The following HMX1 variants were observed in gnomAD, a reference collection of about 807,000 sequenced individuals.
HMX1 encodes the protein H6 family homeobox 1, also known as homeobox protein HMX1.
In HMX1, 8 loss-of-function variants were observed where a neutral mutation model predicts 8.9. The observed-to-expected ratio is 0.90, with a 90% CI of 0.53 to 1.63. The LOEUF is 1.63. Among genes scored for constraint, HMX1 ranks in the 40% most tolerant of loss-of-function variants. HMX1 has a pLI of 0.00. For missense variants in HMX1, 621 were observed against 558.5 expected, an observed-to-expected ratio of 1.11 and a Z score of -1.13; for synonymous variants, 311 against 283.4, an observed-to-expected ratio of 1.10 and a Z score of -0.98.
downstream of HMX1, among the ~76,000 whole-genome samples, chr4:8,866,490 G>A (rs1249290750): frequency 1.3e-5 from 2 of 152,246 alleles, no homozygotes; most frequent in Non-Finnish European, 2.9e-5. Flanking sequence ...CAGTGGCCCA[G>A]AATAGGGGAA....
rs1281506486 is a variant in HMX1 at position 8,853,126 on chromosome 4, G to A, written c.395-6802C>T. Among the ~76,000 whole-genome samples the A allele has an allele frequency of 1.3e-5, 2 of 152,166 alleles. No individual in the cohort carries two copies. Among genetic ancestry groups the A allele is most frequent in the Non-Finnish European group, 2.9e-5 (2 of 68,034 alleles). On this transcript the variant is annotated intron_variant, in intron 1 of 1. Coordinates refer to the HMX1 transcript ENST00000506970. This position sits in a 1 kb window ranked among gnomAD's most constrained non-coding sequence, Gnocchi z 4.7. ...CTGGCCCAGTTTACAAGAGCCTCCT[G>A]TATTAGGGTATTGACTCTATTTCTT...
At chr4:8,851,024 C>A (rs1183306712) in intron 1 of HMX1, among the ~76,000 whole-genome samples, 1 of 152,262 alleles carries the variant, frequency 6.6e-6, no homozygotes, top group Non-Finnish European at 1.5e-5. Context: ...GGGGCCCTGG[C>A]AGACACTCTC....
At chr4:8,850,768 G>A (rs1721421100) in intron 1 of HMX1, among the ~76,000 whole-genome samples, 1 of 152,162 alleles carries the variant, frequency 6.6e-6, no homozygotes, top group African/African-American at 2.4e-5. Flanking sequence ...CACTCACCCA[G>A]CCCTGCGACT....
chr4:8,860,968 A>AGGGCGGGGGAGG (rs1159196795), intron 1 of HMX1: 2 of 15,976 alleles, frequency 1.3e-4, no homozygotes, highest in African/African-American at 3.1e-4. Flanking sequence ...GGCGGGGGCG[A>AGGGCGGGGGAGG]GGGCGGGGGA....
Position 8,868,907 on chromosome 4 carries a change from G to A in HMX1, c.395-562C>T, listed in dbSNP as rs946973127. On this transcript the variant is annotated intron_variant, in intron 1 of 1. Coordinates refer to ENST00000400677, the MANE Select transcript of HMX1 (RefSeq NM_018942.3). The surrounding 1 kb of genome is among the most constrained non-coding windows in gnomAD (Gnocchi z 4.6). ...CTCTTCCCGCGCCCTCTGCCCGCTT[G>A]CACAGAAACATTCCATAGTAGGAGG... Among the ~76,000 whole-genome samples, 2 of 152,108 alleles carry A rather than the reference G, an allele frequency of 1.3e-5. No individual in the cohort carries two copies. The highest frequency in any genetic ancestry group is 2.9e-5 in the Non-Finnish European group (2 of 68,036).
Position 8,868,153 on chromosome 4 carries a change from A to T in HMX1, c.587T>A (p.Val196Asp), listed in dbSNP as rs1041653447. Reference sequence around the variant, plus strand: ...CTTCTTTCGGCCGCCGCCCACGCCAACGCCGCCGCGTGTCTCCCCAGCCGC... The same window carrying T: ...CTTCTTTCGGCCGCCGCCCACGCCATCGCCGCCGCGTGTCTCCCCAGCCGC... ...PAAAGETRGG[V>D]GVGGGRKKKT... is the part of the protein sequence containing the mutation. Residue 196 changes from valine (V) to aspartate (D), a missense_variant, in exon 2 of 2, where the codon GTT becomes GAT. Val to Asp is a radical substitution (Grantham distance 152, BLOSUM62 -3). Coordinates refer to ENST00000400677, the MANE Select transcript of HMX1 (RefSeq NM_018942.3). This position sits in a 1 kb window ranked among gnomAD's most constrained non-coding sequence, Gnocchi z 4.6. The T allele has an allele frequency of 6.6e-7, 1 of 1,503,796 alleles. No individual in the cohort carries two copies. The highest frequency in any genetic ancestry group is 8.8e-7 in the Non-Finnish European group (1 of 1,131,808). The allele number at this position is 1,503,796 out of a possible 1,614,324, so 93.2% of individuals were successfully genotyped here. A position where few individuals can be genotyped will look rare whatever the true frequency, so the allele number is the denominator to read the frequency against.
rs975187878 is a variant in HMX1, at chr4:8,853,824, G to C, written c.395-7500C>G. 6.6e-5 allele frequency among the ~76,000 whole-genome samples: 10 copies of C among 151,884 alleles called. No homozygotes were observed. The highest frequency in any genetic ancestry group is 2.4e-4 in the African/African-American group (10 of 41,226). On this transcript the variant is annotated intron_variant, in intron 1 of 1. Transcript: ENST00000506970. This position sits in a 1 kb window ranked among gnomAD's most constrained non-coding sequence, Gnocchi z 4.7. ...GCCGAGATCACACCACTGCACTCCA[G>C]CCTGGGCAACAAGAGCAAAATTCCA...
rs2109475736 is a variant in HMX1 at position 8,870,007 on chromosome 4, C to T, written c.394+1214G>A. Among the ~76,000 whole-genome samples, 1 of 151,626 alleles carries T rather than the reference C, an allele frequency of 6.6e-6. No individual in the cohort carries two copies. The highest frequency in any genetic ancestry group is 3.4e-3 in the Middle Eastern group (1 of 294). ...CAAGTCTACGTGAAGGGGGTGGGGG[C>T]CTAGACTTCCTGAGTGTGGGTGCCG... On this transcript the variant is annotated intron_variant, in intron 1 of 1. Coordinates refer to ENST00000400677, the MANE Select transcript of HMX1 (RefSeq NM_018942.3). This position sits in a 1 kb window ranked among gnomAD's most constrained non-coding sequence, Gnocchi z 4.4.
rs1160318186 is a variant in HMX1, at chr4:8,870,992, G to A, written c.394+229C>T. On this transcript the variant is annotated intron_variant, in intron 1 of 1. Coordinates refer to ENST00000400677, the MANE Select transcript of HMX1 (RefSeq NM_018942.3). The surrounding 1 kb of genome is among the most constrained non-coding windows in gnomAD (Gnocchi z 4.4). The stretch of plus-strand genomic sequence containing the variant: ...CCGGAGGAGCCCGGCAATGGGTGAA[G>A]CTATGGCCTGCAAAACCTCCTCGTT... Among the ~76,000 whole-genome samples, 2 of 152,064 alleles carry A rather than the reference G, an allele frequency of 1.3e-5. No individual in the cohort carries two copies. Among genetic ancestry groups the A allele is most frequent in the African/African-American group, 4.8e-5 (2 of 41,430 alleles).
intron 1 of HMX1, among the ~76,000 whole-genome samples, chr4:8,861,688 C>T (rs960414857): frequency 6.6e-6 from 1 of 152,186 alleles, no homozygotes; most frequent in South Asian, 2.1e-4. Context: ...CCCGAGGAGG[C>T]CCACAGCTCT....
At chr4:8,858,202 G>A (rs1422714409) in intron 1 of HMX1, among the ~76,000 whole-genome samples, 2 of 152,136 alleles carry the variant, frequency 1.3e-5, no homozygotes. Context: ...AGCGAGGCCC[G>A]GATGTGCTGA....
exon 2 of HMX1, chr4:8,846,281 C>A: frequency 6.5e-7 from 1 of 1,535,362 alleles, no homozygotes; most frequent in Middle Eastern, 1.7e-4. Flanking sequence ...TGGTCACCTG[C>A]CCCTCTCCAC....
chr4:8,869,949 G>A (rs545889338), intron 1 of HMX1, among the ~76,000 whole-genome samples: 6 of 152,178 alleles, frequency 3.9e-5, no homozygotes, highest in South Asian at 2.1e-4. Flanking sequence ...AGACAGAGTC[G>A]CTCGATTTCT....
chr4:8,851,086 G>A (rs993549001), intron 1 of HMX1, among the ~76,000 whole-genome samples: 1 of 152,230 alleles, frequency 6.6e-6, no homozygotes, highest in East Asian at 1.9e-4. Context: ...CAAAAACAGA[G>A]GCTTGGAGCA....
Position 8,868,390 on chromosome 4 carries a change from T to G in HMX1, c.395-45A>C. Reference sequence around the variant, plus strand: ...CCACCGTTGGTTCTAGGGCACTGATTACCAGACTCAATCACTGAGGCCAGC... The same window carrying G: ...CCACCGTTGGTTCTAGGGCACTGATGACCAGACTCAATCACTGAGGCCAGC... On this transcript the variant is annotated intron_variant, in intron 1 of 1. Transcript: ENST00000400677. This position sits in a 1 kb window ranked among gnomAD's most constrained non-coding sequence, Gnocchi z 4.6. 1 of 1,313,696 alleles carries G rather than the reference T, an allele frequency of 7.6e-7. No homozygotes were observed. Among genetic ancestry groups the G allele is most frequent in the Non-Finnish European group, 9.7e-7 (1 of 1,028,202 alleles). The allele number at this position is 1,313,696 out of a possible 1,614,324, so 81.4% of individuals were successfully genotyped here.
rs563795559 is a variant in HMX1 at position 8,870,325 on chromosome 4, G to A, written c.394+896C>T. Among the ~76,000 whole-genome samples, 7 of 152,050 alleles carry A rather than the reference G, an allele frequency of 4.6e-5. No homozygotes were observed. In the South Asian group the frequency reaches 1.5e-3, roughly 32 times the overall value. On this transcript the variant is annotated intron_variant, in intron 1 of 1. Coordinates refer to ENST00000400677, the MANE Select transcript of HMX1 (RefSeq NM_018942.3). The surrounding 1 kb of genome is among the most constrained non-coding windows in gnomAD (Gnocchi z 4.4). ...AGGGCAGGTACAAAAGGGAGGCAGC[G>A]ACCCTGGAACCCTGGGGAGGGGAAG... is the stretch of plus-strand genomic sequence containing the variant.
In HMX1 at chr4:8,868,326, C is replaced by A. The variant is rs954613433; in HGVS notation, c.414G>T (p.Pro138=). Residue 138 remains proline, a synonymous_variant, in exon 2 of 2, where the codon CCG becomes CCT. Transcript: ENST00000400677. The surrounding 1 kb of genome is among the most constrained non-coding windows in gnomAD (Gnocchi z 4.6). Reference sequence around the variant, plus strand: ...CACGGCCCATCTCCTCGCCCGTCTCCGGTGAGTCCCGGTCGCTGGCTGCAG... The same window carrying A: ...CACGGCCCATCTCCTCGCCCGTCTCAGGTGAGTCCCGGTCGCTGGCTGCAG... The part of the protein sequence containing the change: ...LSPDTSDRDS[P]ETGEEMGRAE... The A allele has an allele frequency of 3.0e-5, 42 of 1,409,676 alleles. No homozygotes were observed. Among genetic ancestry groups the A allele is most frequent in the Non-Finnish European group, 3.7e-5 (40 of 1,089,938 alleles). The allele number at this position is 1,409,676 out of a possible 1,614,324, so 87.3% of individuals were successfully genotyped here. A position where few individuals can be genotyped will look rare whatever the true frequency, so the allele number is the denominator to read the frequency against.
chr4:8,865,269 A>G (rs1721958818), downstream of HMX1, among the ~76,000 whole-genome samples: 1 of 152,218 alleles, frequency 6.6e-6, no homozygotes, highest in South Asian at 2.1e-4. Flanking sequence ...CGAATAAAAC[A>G]GTTGCATCAC....
intron 1 of HMX1, among the ~76,000 whole-genome samples, chr4:8,869,520 G>A (rs775953050): frequency 3.3e-5 from 5 of 152,234 alleles, no homozygotes; most frequent in South Asian, 4.1e-4. Flanking sequence ...GCATTTGCAC[G>A]CTCATGCAAG....
Sources: allele counts gnomAD v4.1 joint callset (sites outside exome capture counted in the v4.1 genomes callset), GRCh38; gene constraint gnomAD v4.1.1; non-coding constraint Gnocchi (gnomAD v3.1); transcripts MANE v1.5; gene names NCBI Gene and HGNC (gene_info 2026-07-23, HGNC 2026-07-21).